Variants in TPPP observed in about 807,000 individuals in gnomAD.
TPPP encodes tubulin polymerization promoting protein, also known as tubulin polymerization-promoting protein.
In TPPP, 6 loss-of-function variants were observed where a neutral mutation model predicts 15.5. The observed-to-expected ratio is 0.39, with a 90% CI of 0.21 to 0.77. TPPP has a LOEUF of 0.77. Ranked by LOEUF, TPPP falls within the 30% of genes least tolerant of loss-of-function variation. TPPP has a pLI of 0.42. For synonymous variants in TPPP, 146 were observed against 133.9 expected, an observed-to-expected ratio of 1.09 and a Z score of -0.63; for missense variants, 269 against 307.2, an observed-to-expected ratio of 0.88 and a Z score of 0.93.
intron 1 of TPPP, among the ~76,000 whole-genome samples, chr5:692,138 A>C (rs1016950063): frequency 3.9e-3 from 128 of 32,444 alleles, no homozygotes; most frequent in South Asian, 5.7e-3. Context: ...AGCCCCCCAG[A>C]CCCCATCAAA....
At chr5:669,414 C>T (rs1033587227) in intron 2 of TPPP, among the ~76,000 whole-genome samples, 2 of 152,198 alleles carry the variant, frequency 1.3e-5, no homozygotes, top group Non-Finnish European at 2.9e-5. Context: ...CAGGCCACCC[C>T]AGGCAGCCCA....
chr5:684,596 T>C (rs982640652), intron 1 of TPPP, among the ~76,000 whole-genome samples: 33 of 151,204 alleles, frequency 2.2e-4, no homozygotes, highest in Non-Finnish European at 4.0e-4. Context: ...TTCTAGGACC[T>C]GGAGCCCTGC....
At chr5:687,323 C>T (rs1740792861) in intron 1 of TPPP, among the ~76,000 whole-genome samples, 1 of 133,312 alleles carries the variant, frequency 7.5e-6, no homozygotes, top group Non-Finnish European at 1.7e-5. Flanking sequence ...AGGCTCAGCA[C>T]CCCTCATGGG....
intron 2 of TPPP, among the ~76,000 whole-genome samples, chr5:668,303 C>A (rs189449946): frequency 1.8e-5 from 1 of 56,684 alleles, no homozygotes; most frequent in Admixed American, 1.8e-4. Context: ...AGGGAAGTAC[C>A]GACAAGCACA....
intron 2 of TPPP, among the ~76,000 whole-genome samples, chr5:675,057 G>A (rs1246904379): frequency 1.1e-5 from 1 of 94,562 alleles, no homozygotes; most frequent in Non-Finnish European, 2.2e-5. Flanking sequence ...ATGGCTGGGG[G>A]TGCAGTGTGG....
At chr5:697,183 C>G (rs1457939986), upstream of TPPP, among the ~76,000 whole-genome samples, 1 of 131,360 alleles carries the variant, frequency 7.6e-6, no homozygotes, top group East Asian at 2.3e-4. Flanking sequence ...TGCCAGGGAG[C>G]GACTCTGGCC....
chr5:675,032 TGA>T (rs1314274583), intron 2 of TPPP, among the ~76,000 whole-genome samples: 1 of 32,092 alleles, frequency 3.1e-5, no homozygotes, highest in Non-Finnish European at 5.6e-5. Flanking sequence ...GGGGGAGCAG[TGA>T]GGGGGGTACA....
chr5:699,048 G>C, the TPPP span, among the ~76,000 whole-genome samples: 1 of 152,038 alleles, frequency 6.6e-6, no homozygotes, highest in East Asian at 1.9e-4. Context: ...CATGCTCATG[G>C]ATTGGAAGAA....
At chr5:673,022 T>C (rs2126887506) in intron 2 of TPPP, among the ~76,000 whole-genome samples, 1 of 152,220 alleles carries the variant, frequency 6.6e-6, no homozygotes, top group African/African-American at 2.4e-5. Flanking sequence ...GTAGACTTTT[T>C]CTCCACAAGT....
rs149885066 is a variant in TPPP at position 677,767 on chromosome 5, G to A, written c.294C>T (p.Ile98=). The change falls in exon 2 of 4, where the codon ATC becomes ATT. Residue 98 remains isoleucine, a synonymous_variant. Coordinates refer to ENST00000360578, the MANE Select transcript of TPPP (RefSeq NM_007030.3). The stretch of plus-strand genomic sequence containing the variant: ...GCACTCACTTGATCTTGCTGAAGAC[G>A]ATGTCCACGTCAGTGACGGTCACGT... ...GRNVTVTDVD[I]VFSKIKGKSC... 64 of 1,573,452 alleles carry A rather than the reference G, an allele frequency of 4.1e-5. No individual in the cohort carries two copies. The highest frequency in any genetic ancestry group is 4.8e-5 in the Non-Finnish European group (56 of 1,156,690).
rs1314358225 is a variant in TPPP at position 670,064 on chromosome 5, C to T, written c.312-3941G>A. 8.3e-5 allele frequency among the ~76,000 whole-genome samples: 12 copies of T among 145,184 alleles called. No individual in the cohort carries two copies. In the Admixed American group the frequency reaches 8.5e-4, roughly 10 times the overall value. On this transcript the variant is annotated intron_variant, in intron 2 of 3. Coordinates refer to ENST00000360578, the MANE Select transcript of TPPP (RefSeq NM_007030.3). ...CGATGCCCTGCGGGGCCTGGACTTG[C>T]TTCCCAGGCTCTGAGTCCCCTGGCC...
At position 660,204 on chromosome 5, in the gene TPPP, C is replaced by T. The variant is rs56041816; in HGVS notation, c.*4898G>A. 1 of 145,508 alleles carries T rather than the reference C, an allele frequency of 6.9e-6. No homozygotes were observed. Among genetic ancestry groups the T allele is most frequent in the African/African-American group, 2.5e-5 (1 of 39,984 alleles). 9.0% of individuals were successfully genotyped at this position (145,508 alleles called of 1,614,324 possible). ...TCACACAGTGTAAAAATATATTGCACATATATATATATATATATATATATA... is the reference window on the plus strand; with the variant it reads ...TCACACAGTGTAAAAATATATTGCATATATATATATATATATATATATATA... On this transcript the variant is annotated 3_prime_UTR_variant, in exon 4 of 4. Transcript: ENST00000360578.
rs1305624596 is a variant in TPPP, at chr5:677,790, C to T, written c.271G>A (p.Val91Met). Reference protein sequence around the residue: ...KDCQVIDGRNVTVTDVDIVFS... With the variant: ...KDCQVIDGRNMTVTDVDIVFS... Reference sequence around the variant, plus strand: ...ACGATGTCCACGTCAGTGACGGTCACGTTCCTGCCGTCGATCACCTGGCAG... The same window carrying T: ...ACGATGTCCACGTCAGTGACGGTCATGTTCCTGCCGTCGATCACCTGGCAG... The change falls in exon 2 of 4, where the codon GTG (valine) becomes ATG (methionine). Residue 91 changes from valine to methionine, a missense_variant. By Grantham distance (21) the Val-to-Met change is conservative. Transcript: ENST00000360578. 18 of 1,597,024 alleles carry T rather than the reference C, an allele frequency of 1.1e-5. No individual in the cohort carries two copies. Among genetic ancestry groups the T allele is most frequent in the Non-Finnish European group, 1.5e-5 (18 of 1,169,718 alleles).
intron 2 of TPPP, among the ~76,000 whole-genome samples, chr5:675,549 C>A (rs1157911328): frequency 2.6e-5 from 1 of 38,994 alleles, no homozygotes; most frequent in Non-Finnish European, 5.4e-5. Context: ...GCCGTGTGGC[C>A]GGGGGTGCAG....
At position 660,326 on chromosome 5, in the gene TPPP, T is replaced by C. The variant is rs1739535495; in HGVS notation, c.*4776A>G. On this transcript the variant is annotated 3_prime_UTR_variant, in exon 4 of 4. Transcript: ENST00000360578. The stretch of plus-strand genomic sequence containing the variant: ...AAGTTGTGCAGATTTCCTTTGTGGT[T>C]TGGCTTGGTTTAGTTTTTTAAGAGG... 6.6e-6 allele frequency: 1 copy of C among 152,118 alleles called. No homozygotes were observed. The allele number at this position is 152,118 out of a possible 1,614,324, so 9.4% of individuals were successfully genotyped here.
At chr5:666,501 C>T (rs1480028532) in intron 2 of TPPP, among the ~76,000 whole-genome samples, 7 of 152,202 alleles carry the variant, frequency 4.6e-5, no homozygotes, top group Non-Finnish European at 1.0e-4. Flanking sequence ...CCCGGCTCTG[C>T]CTGTGTGTGT....
At chr5:671,114 A>C (rs1327310491) in intron 2 of TPPP, among the ~76,000 whole-genome samples, 1 of 152,160 alleles carries the variant, frequency 6.6e-6, no homozygotes, top group Non-Finnish European at 1.5e-5. Context: ...TGAGCTCCGG[A>C]GGTCTGGCTA....
At chr5:679,089 G>A (rs1209445858) in intron 1 of TPPP, among the ~76,000 whole-genome samples, 1 of 152,152 alleles carries the variant, frequency 6.6e-6, no homozygotes, top group Non-Finnish European at 1.5e-5. Context: ...GGTCCGTGCC[G>A]AGGACACAGG....
intron 2 of TPPP, among the ~76,000 whole-genome samples, chr5:675,042 ACAGTATGGCTGGGGG>A (rs1740357726): frequency 3.0e-5 from 1 of 33,652 alleles, no homozygotes. Flanking sequence ...TGAGGGGGGT[ACAGTATGGCTGGGGG>A]TGCAGTGTGG....
Sources: allele counts gnomAD v4.1 joint callset (sites outside exome capture counted in the v4.1 genomes callset), GRCh38; gene constraint gnomAD v4.1.1; transcripts MANE v1.5; gene names NCBI Gene and HGNC (gene_info 2026-07-23, HGNC 2026-07-21).